ATG4A: variants seen among roughly 807,000 people sequenced by gnomAD.
The protein encoded by ATG4A is cysteine protease ATG4A.
A neutral mutation model predicts 38.4 loss-of-function variants in ATG4A; 22 were observed. That is an observed-to-expected ratio of 0.57 (90% CI 0.41 to 0.82). The LOEUF (loss-of-function observed/expected upper bound fraction) is 0.82. Ranked by LOEUF, ATG4A falls within the 40% of genes least tolerant of loss-of-function variation. The pLI is 0.00. For missense variants in ATG4A, 220 were observed against 290.0 expected (o/e 0.76, Z 1.75); for synonymous variants, 86 against 100.7 (o/e 0.85, Z 0.88).
intron 2 of ATG4A, 77 bp downstream of exon 2, chrX:108,126,264 C>T: frequency 1.4e-6 from 1 of 707,531 alleles, no homozygotes; most frequent in Non-Finnish European, 2.2e-6. Context: ...ACTTTTTCTT[C>T]TTGGGTTGGC....
intron 6 of ATG4A, 35 bp downstream of exon 6, chrX:108,134,446 C>T (rs1208672677): frequency 1.7e-6 from 2 of 1,150,216 alleles, no homozygotes; most frequent in Non-Finnish European, 2.4e-6. Context: ...CCTTATTCTG[C>T]TGTCTCCTAT....
Position 108,137,929 on chromosome X carries a change from C to T in ATG4A, c.673C>T (p.Leu225Phe). ...AYCSAWKPLLLIVPLRLGINQ... is the reference protein window; with the variant it reads ...AYCSAWKPLLFIVPLRLGINQ... Reference sequence around the variant, plus strand: ...CTGCTCAGCCTGGAAACCCCTGCTGCTCATTGTGCCCCTTCGCCTGGGCAT... The same window carrying T: ...CTGCTCAGCCTGGAAACCCCTGCTGTTCATTGTGCCCCTTCGCCTGGGCAT... Residue 225 changes from leucine to phenylalanine, a missense_variant, in exon 8 of 13, where the codon CTC becomes TTC. Transcript: ENST00000372232. The T allele has an allele frequency of 8.3e-7, 1 of 1,207,680 alleles. No homozygotes were observed. Among genetic ancestry groups the T allele is most frequent in the South Asian group, 1.8e-5 (1 of 55,849 alleles).
intron 4 of ATG4A, among the ~76,000 whole-genome samples, chrX:108,133,701 G>T (rs112398487): frequency 1.8e-5 from 2 of 112,179 alleles, no homozygotes; most frequent in African/African-American, 6.5e-5. Flanking sequence ...CTTATATACC[G>T]ATGTACTGCC....
At position 108,138,105 on chromosome X, in the gene ATG4A, C is replaced by T. The variant is rs1379572278; in HGVS notation, c.736-8C>T. On this transcript the variant is annotated splice_region_variant and splice_polypyrimidine_tract_variant and intron_variant, in intron 8 of 12. Transcript: ENST00000372232. ...GAGTTGAGAATCTTGCATTGTCTTT[C>T]TCTCCAGGAGTGTTTTAAGATGCCA... The T allele has an allele frequency of 1.1e-5, 13 of 1,206,879 alleles. No homozygotes were observed. In the Middle Eastern group the frequency reaches 6.9e-4, roughly 64 times the overall value.
chrX:108,111,869 G>A (rs770717749), intron 1 of ATG4A, among the ~76,000 whole-genome samples: 1 of 111,210 alleles, frequency 9.0e-6, no homozygotes, highest in Non-Finnish European at 1.9e-5. Flanking sequence ...TAGAGACATG[G>A]TCTTGCTTTG....
In ATG4A at chrX:108,096,644, ATATTTTATTT is replaced by A. The variant is rs766014976; in HGVS notation, c.10+4823_10+4832del. 1.2e-4 allele frequency among the ~76,000 whole-genome samples: 13 copies of A among 110,367 alleles called. No individual in the cohort carries two copies. In the South Asian group the frequency reaches 1.5e-3, roughly 13 times the overall value. On this transcript the variant is annotated intron_variant, in intron 1 of 12. Transcript: ENST00000372232. ...TGGGTAGTCTTCTTTTATAAACAGT[ATATTTTATTT>A]TATTTTATTTTATTATTTTATTTTA...
Position 108,153,668 on chromosome X carries a change from G to A in ATG4A, c.1153G>A (p.Glu385Lys). The change falls in exon 13 of 13, where the codon GAG (glutamate) becomes AAG (lysine). Residue 385 changes from glutamate (E) to lysine (K), a missense_variant. By Grantham distance (56) the Glu-to-Lys change is moderately conservative. This residue lies in a region of ATG4A where 159 missense variants were observed against 188.9 expected (regional missense o/e 0.84). Coordinates refer to ENST00000372232, the MANE Select transcript of ATG4A (RefSeq NM_052936.5). ...ATTCATTGACTCTACTGAGCAACTG[G>A]AGGAGTTTGATCTGGAGGAAGATTT... ...AEFIDSTEQL[E>K]EFDLEEDFEI... 3.3e-6 allele frequency: 4 copies of A among 1,209,217 alleles called. No homozygotes were observed. The highest frequency in any genetic ancestry group is 4.5e-6 in the Non-Finnish European group (4 of 893,561).
chrX:108,144,664 T>A (rs977062260), intron 9 of ATG4A, among the ~76,000 whole-genome samples: 3 of 112,146 alleles, frequency 2.7e-5, no homozygotes, highest in Admixed American at 1.9e-4. Flanking sequence ...TCTCCTCTCC[T>A]GAGGTCACCC....
chrX:108,103,772 C>G (rs952576857), intron 1 of ATG4A, among the ~76,000 whole-genome samples: 1 of 112,528 alleles, frequency 8.9e-6, no homozygotes, highest in Non-Finnish European at 1.9e-5. Context: ...TTATCCACCC[C>G]ACACTTTATG....
upstream of ATG4A, chrX:108,088,869 AG>A: frequency 7.2e-6 from 8 of 1,104,467 alleles, no homozygotes; most frequent in Non-Finnish European, 9.7e-6. Context: ...AAGCAGTAAT[AG>A]AAACATTCTT....
chrX:108,096,644 A>ATATTTTATTT (rs766014976), intron 1 of ATG4A, among the ~76,000 whole-genome samples: 4 of 110,368 alleles, frequency 3.6e-5, no homozygotes, highest in African/African-American at 1.3e-4. Context: ...TATAAACAGT[A>ATATTTTATTT]TATTTTATTT....
chrX:108,101,269 T>A (rs1449682584), intron 1 of ATG4A, among the ~76,000 whole-genome samples: 2 of 110,347 alleles, frequency 1.8e-5, no homozygotes, highest in Admixed American at 9.8e-5. Flanking sequence ...TATTAATGAT[T>A]TGTGGCCTAT....
chrX:108,090,744 G>A (rs1027904340), upstream of ATG4A, among the ~76,000 whole-genome samples: 2 of 112,147 alleles, frequency 1.8e-5, no homozygotes, highest in Admixed American at 1.9e-4. Context: ...TGAGCAGGAG[G>A]GCAGAAAGAA....
At chrX:108,153,116 A>G (rs754699888) in intron 12 of ATG4A, 29 bp downstream of exon 12, 1 of 1,035,665 alleles carries the variant, frequency 9.7e-7, no homozygotes. Context: ...GCTCTCAGCT[A>G]GCAGACCCAC....
chrX:108,127,081 CT>C, intron 2 of ATG4A: 2 of 156,405 alleles, frequency 1.3e-5, no homozygotes, highest in South Asian at 3.4e-4. Context: ...TGTATTCAGA[CT>C]CTTCTAACTC....
At chrX:108,146,396 C>T (rs1175926072) in intron 9 of ATG4A, among the ~76,000 whole-genome samples, 3 of 111,808 alleles carry the variant, frequency 2.7e-5, no homozygotes, top group Non-Finnish European at 5.6e-5. Context: ...ATTCTGATTG[C>T]AGTAGTCTGA....
upstream of ATG4A, chrX:108,091,309 TTC>T (rs2031609031): frequency 1.2e-6 from 1 of 818,669 alleles, no homozygotes; most frequent in African/African-American, 2.0e-5. Flanking sequence ...GGGGTTCTGC[TTC>T]TCTCAGAAAC....
chrX:108,128,277 C>G (rs781226411), intron 2 of ATG4A, among the ~76,000 whole-genome samples: 1 of 110,872 alleles, frequency 9.0e-6, no homozygotes, highest in Non-Finnish European at 1.9e-5. Context: ...GTTGCCCAGG[C>G]TGGTCTTGAA....
upstream of ATG4A, among the ~76,000 whole-genome samples, chrX:108,089,271 A>G (rs1334034595): frequency 9.0e-6 from 1 of 111,166 alleles, no homozygotes; most frequent in Non-Finnish European, 1.9e-5. Flanking sequence ...GGAAACTAAA[A>G]CTCCTCAGGG....
Sources: allele counts gnomAD v4.1 joint callset (sites outside exome capture counted in the v4.1 genomes callset), GRCh38; gene constraint gnomAD v4.1.1; regional missense constraint gnomAD v4.1.1; transcripts MANE v1.5; gene names NCBI Gene and HGNC (gene_info 2026-07-23, HGNC 2026-07-21).